The following CYP7A1 variants were observed in gnomAD, a reference collection of about 807,000 sequenced individuals.
CYP7A1 encodes cytochrome P450 7A1.
In CYP7A1, 28 loss-of-function variants were observed where a neutral mutation model predicts 43.8. The ratio of observed to expected loss-of-function variants is 0.64; its 90% CI spans 0.47 to 0.88. The LOEUF (loss-of-function observed/expected upper bound fraction) is 0.88. Ranked by LOEUF, CYP7A1 falls within the 40% of genes least tolerant of loss-of-function variation. The pLI is 0.00. For missense variants in CYP7A1, 637 were observed against 611.9 expected (o/e 1.04, Z -0.43); for synonymous variants, 227 against 222.5 (o/e 1.02, Z -0.18).
chr8:58,496,614 G>T lies in CYP7A1; in HGVS notation c.898C>A (p.Gln300Lys), dbSNP rs1337108179. 2 of 1,613,232 alleles carry T rather than the reference G, an allele frequency of 1.2e-6. No homozygotes were observed. Among genetic ancestry groups the T allele is most frequent in the Admixed American group, 1.7e-5 (1 of 60,014 alleles). The change falls in exon 3 of 6, where the codon CAA becomes AAA. Residue 300 changes from glutamine to lysine, a missense_variant. Transcript: ENST00000301645. ...TIPATFWSLF[Q>K]MIRNPEAMKA... ...TATGGCGTTAGTCACCTAATCATTT[G>T]AAATAAACTCCAGAAAGTCGCTGGA...
In CYP7A1 at chr8:58,491,570, C is replaced by T. The variant is rs1172165463; in HGVS notation, c.1420G>A (p.Ala474Thr). The change falls in exon 6 of 6, where the codon GCT (alanine) becomes ACT (threonine). Residue 474 changes from alanine to threonine, a missense_variant. Transcript: ENST00000301645. Reference sequence around the variant, plus strand: ...GACTGGTCCAAAGGTGGACATTTAGCTTGGCCCTCTATAAGCTCCAATTCA... The same window carrying T: ...GACTGGTCCAAAGGTGGACATTTAGTTTGGCCCTCTATAAGCTCCAATTCA... ...YFELELIEGQ[A>T]KCPPLDQSRA... The T allele has an allele frequency of 6.2e-7, 1 of 1,614,076 alleles. No individual in the cohort carries two copies. Among genetic ancestry groups the T allele is most frequent in the Non-Finnish European group, 8.5e-7 (1 of 1,180,024 alleles).
chr8:58,495,215 T>TTA (rs369276545), intron 3 of CYP7A1, among the ~76,000 whole-genome samples: 3 of 143,404 alleles, frequency 2.1e-5, no homozygotes, highest in African/African-American at 7.9e-5. Flanking sequence ...TTTATTTTAT[T>TTA]TTTATTTATT....
chr8:58,492,801 G>A (rs1809373058), intron 4 of CYP7A1, among the ~76,000 whole-genome samples: 1 of 152,128 alleles, frequency 6.6e-6, no homozygotes, highest in Non-Finnish European at 1.5e-5. Flanking sequence ...GTCTCATTCT[G>A]TTGCCCATGC....
chr8:58,491,865 C>CT (rs1585640854), intron 5 of CYP7A1, 91 bp from the exon 6 acceptor site: 1 of 1,064,840 alleles, frequency 9.4e-7, no homozygotes, highest in East Asian at 2.4e-5. Flanking sequence ...GAGTAATTTT[C>CT]TTTTTAATTC....
chr8:58,499,008 C>T (rs1809490978), intron 1 of CYP7A1, among the ~76,000 whole-genome samples: 1 of 152,148 alleles, frequency 6.6e-6, no homozygotes. Flanking sequence ...AGAAGAATCT[C>T]ATGTGAGAAA....
chr8:58,494,082 A>C (rs1385097776), intron 4 of CYP7A1, among the ~76,000 whole-genome samples: 1 of 152,208 alleles, frequency 6.6e-6, no homozygotes. Flanking sequence ...GAAAAATCAA[A>C]GCACTTTCAA....
In CYP7A1 at chr8:58,491,691, G is replaced by A. The variant is rs925861393; in HGVS notation, c.1299C>T (p.Tyr433=). The change falls in exon 6 of 6, where the codon TAC becomes TAT. Residue 433 remains tyrosine (Y), a synonymous_variant. Transcript: ENST00000301645. Reference sequence around the variant, plus strand: ...TAGCTCCCGATCCAAAGGGCATGTAGTAATACTTTAACTTGAGTCCATTAC... The same window carrying A: ...TAGCTCCCGATCCAAAGGGCATGTAATAATACTTTAACTTGAGTCCATTAC... ...FYCNGLKLKY[Y]YMPFGSGATI... 1.2e-6 allele frequency: 2 copies of A among 1,613,574 alleles called. No homozygotes were observed. The highest frequency in any genetic ancestry group is 1.3e-5 in the African/African-American group (1 of 74,896).
chr8:58,494,541 A>C lies in CYP7A1; in HGVS notation c.1004T>G (p.Leu335Trp), dbSNP rs1809408541. 6.2e-7 allele frequency: 1 copy of C among 1,614,166 alleles called. No individual in the cohort carries two copies. Among genetic ancestry groups the C allele is most frequent in the East Asian group, 2.2e-5 (1 of 44,872 alleles). ...CAGGTCATTCAGTTCTGCTTGACTCAAACAAATAGGATTGCCTTCCAAGCT... is the reference window on the plus strand; with the variant it reads ...CAGGTCATTCAGTTCTGCTTGACTCCAACAAATAGGATTGCCTTCCAAGCT... ...KVSLEGNPIC[L>W]SQAELNDLPV... The change falls in exon 4 of 6, where the codon TTG becomes TGG. Residue 335 changes from leucine (L) to tryptophan (W), a missense_variant. Coordinates refer to ENST00000301645, the MANE Select transcript of CYP7A1 (RefSeq NM_000780.4).
intron 3 of CYP7A1, among the ~76,000 whole-genome samples, chr8:58,495,448 T>C (rs1809425416): frequency 6.6e-6 from 1 of 152,214 alleles, no homozygotes; most frequent in East Asian, 2.0e-4. Context: ...CAGGATGGTC[T>C]CGATCTCCTG....
rs1585642132 is a variant in CYP7A1 at position 58,494,405 on chromosome 8, G to A, written c.1039+101C>T. 5.5e-6 allele frequency: 7 copies of A among 1,279,092 alleles called. No homozygotes were observed. In the East Asian group the frequency reaches 7.0e-5, roughly 13 times the overall value. The allele number at this position is 1,279,092 out of a possible 1,614,324, so 79.2% of individuals were successfully genotyped here. ...CGAGAAAACTCATATGAAATATTTA[G>A]TTTAATGCCTAGAATTCGGTAAGTA... is the stretch of plus-strand genomic sequence containing the variant. On this transcript the variant is annotated intron_variant, in intron 4 of 5. Coordinates refer to ENST00000301645, the MANE Select transcript of CYP7A1 (RefSeq NM_000780.4).
At chr8:58,497,504 T>C (rs1340827812) in intron 2 of CYP7A1, among the ~76,000 whole-genome samples, 1 of 152,184 alleles carries the variant, frequency 6.6e-6, no homozygotes, top group Non-Finnish European at 1.5e-5. Flanking sequence ...TCTTTTATAT[T>C]ATTTGTAGAT....
chr8:58,490,590 C>G lies in CYP7A1; in HGVS notation c.*885G>C, dbSNP rs1809334683. On this transcript the variant is annotated 3_prime_UTR_variant, in exon 6 of 6. Coordinates refer to ENST00000301645, the MANE Select transcript of CYP7A1 (RefSeq NM_000780.4). ...TGTGTATTTAACAATGACAGAAAAA[C>G]TACCTTTTTTAATCTCTGAGAAAAC... 1 of 152,062 alleles carries G rather than the reference C, an allele frequency of 6.6e-6. No individual in the cohort carries two copies. The highest frequency in any genetic ancestry group is 6.6e-5 in the Admixed American group (1 of 15,266). 9.4% of individuals were successfully genotyped at this position (152,062 alleles called of 1,614,324 possible).
At chr8:58,495,422 G>A (rs1268626838) in intron 3 of CYP7A1, among the ~76,000 whole-genome samples, 1 of 151,818 alleles carries the variant, frequency 6.6e-6, no homozygotes, top group South Asian at 2.1e-4. Context: ...TAGAGACGGG[G>A]TTTCACCGTG....
intron 4 of CYP7A1, 131 bp downstream of exon 4, chr8:58,494,375 T>C: frequency 1.0e-6 from 1 of 979,730 alleles, no homozygotes. Flanking sequence ...GTTGTGAGGA[T>C]TAACCGAGAA....
intron 4 of CYP7A1, among the ~76,000 whole-genome samples, chr8:58,493,991 C>T (rs1809399604): frequency 6.6e-6 from 1 of 152,002 alleles, no homozygotes; most frequent in Non-Finnish European, 1.5e-5. Flanking sequence ...CAGAACAAGA[C>T]TTTGTCAAAA....
Position 58,491,065 on chromosome 8 carries a change from G to T in CYP7A1, c.*410C>A. Reference sequence around the variant, plus strand: ...GTCCAGGCTGGTCTTGAACTCCTGGGCTCAAGCCATCCTCCTTCTTTGGCC... The same window carrying T: ...GTCCAGGCTGGTCTTGAACTCCTGGTCTCAAGCCATCCTCCTTCTTTGGCC... On this transcript the variant is annotated 3_prime_UTR_variant, in exon 6 of 6. Transcript: ENST00000301645. 5.1e-6 allele frequency: 1 copy of T among 196,574 alleles called. No individual in the cohort carries two copies. The highest frequency in any genetic ancestry group is 1.1e-4 in the South Asian group (1 of 9,312). 12.2% of individuals were successfully genotyped at this position (196,574 alleles called of 1,614,324 possible). A position where few individuals can be genotyped will look rare whatever the true frequency, so the allele number is the denominator to read the frequency against.
At chr8:58,498,766 A>G (rs1425916460) in intron 1 of CYP7A1, among the ~76,000 whole-genome samples, 1 of 152,204 alleles carries the variant, frequency 6.6e-6, no homozygotes, top group Non-Finnish European at 1.5e-5. Flanking sequence ...ATACAGGCAA[A>G]AGGATTTACA....
At chr8:58,499,951 A>T in intron 1 of CYP7A1, 68 bp downstream of exon 1, 1 of 1,293,930 alleles carries the variant, frequency 7.7e-7, no homozygotes, top group Non-Finnish European at 1.1e-6. Flanking sequence ...AATTTACTGT[A>T]TAAAAATGAA....
chr8:58,492,835 G>A (rs1320400443), intron 4 of CYP7A1, among the ~76,000 whole-genome samples: 2 of 152,102 alleles, frequency 1.3e-5, no homozygotes, highest in Non-Finnish European at 2.9e-5. Context: ...CATGATCCTG[G>A]CTCACTGCAG....
Sources: allele counts gnomAD v4.1 joint callset (sites outside exome capture counted in the v4.1 genomes callset), GRCh38; gene constraint gnomAD v4.1.1; transcripts MANE v1.5; gene names NCBI Gene and HGNC (gene_info 2026-07-23, HGNC 2026-07-21).